MTHFS: variants seen among roughly 807,000 people sequenced by gnomAD.
MTHFS encodes methenyltetrahydrofolate synthetase, also known as 5-formyltetrahydrofolate cyclo-ligase.
In MTHFS, 7 loss-of-function variants were observed where a neutral mutation model predicts 12.7. That is an observed-to-expected ratio of 0.55 (90% CI 0.31 to 1.03). The LOEUF is 1.03. Ranked by LOEUF, MTHFS falls within the 50% of genes least tolerant of loss-of-function variation. MTHFS has a pLI of 0.05. For missense variants in MTHFS, 252 were observed against 258.1 expected (o/e 0.98, Z 0.16); for synonymous variants, 100 against 97.1 (o/e 1.03, Z -0.18).
chr15:79,871,535 AT>A (rs79276602), intron 2 of MTHFS, among the ~76,000 whole-genome samples: 2,583 of 143,120 alleles, frequency 0.018, 16 homozygotes, highest in Non-Finnish European at 0.027. Flanking sequence ...AGACAAAGGG[AT>A]TTTTTTTTTT....
chr15:79,858,031 A>AAAAC (rs1555411759), intron 2 of MTHFS, among the ~76,000 whole-genome samples: 2 of 151,264 alleles, frequency 1.3e-5, no homozygotes, highest in African/African-American at 2.4e-5. Flanking sequence ...AAAAAAAAAA[A>AAAAC]AAAACATAAT....
In MTHFS at chr15:79,889,293, T is replaced by A; in HGVS notation, c.179A>T (p.Asp60Val). 6.2e-7 allele frequency: 1 copy of A among 1,614,188 alleles called. No individual in the cohort carries two copies. The highest frequency in any genetic ancestry group is 8.5e-7 in the Non-Finnish European group (1 of 1,180,042). ...GATGATCTCTTCTGTCTCAATTTCA[T>A]CTTGCATGCTCAGAAAGATGGAAAT... is the stretch of plus-strand genomic sequence containing the variant. The part of the protein sequence containing the change: ...KRISIFLSMQ[D>V]EIETEEIIKD... Residue 60 changes from aspartate to valine, a missense_variant, in exon 2 of 3, where the codon GAT becomes GTT. By Grantham distance (152) the Asp-to-Val change is radical. Coordinates refer to ENST00000258874, the MANE Select transcript of MTHFS (RefSeq NM_006441.4).
chr15:79,847,529 A>C (rs966085749), intron 2 of MTHFS, among the ~76,000 whole-genome samples: 1 of 152,100 alleles, frequency 6.6e-6, no homozygotes, highest in African/African-American at 2.4e-5. Flanking sequence ...CTAAAAATAC[A>C]AAATATTAGC....
At chr15:79,884,973 T>C (rs1312553993) in intron 2 of MTHFS, among the ~76,000 whole-genome samples, 3 of 152,226 alleles carry the variant, frequency 2.0e-5, no homozygotes, top group Non-Finnish European at 4.4e-5. Context: ...ACACATCTTT[T>C]CTGAATAAAG....
chr15:79,848,410 C>T (rs1384968653), intron 2 of MTHFS, among the ~76,000 whole-genome samples: 1 of 152,194 alleles, frequency 6.6e-6, no homozygotes, highest in African/African-American at 2.4e-5. Flanking sequence ...TGAAAAAGTT[C>T]TAGAGATCTG....
At chr15:79,854,848 T>A (rs1428066368) in intron 2 of MTHFS, among the ~76,000 whole-genome samples, 2 of 152,186 alleles carry the variant, frequency 1.3e-5, no homozygotes, top group East Asian at 3.8e-4. Flanking sequence ...TTAATCAACA[T>A]CATCATCACC....
chr15:79,896,881 C>A lies in MTHFS; in HGVS notation c.108G>T (p.Leu36=). ...AEERLRQSRV[L]SQKVIAHSEY... ...ACGGGCGGCCTCGCACCTTCTGGCT[C>A]AGTACGCGGGACTGGCGTAGCCGCT... Residue 36 remains leucine, a synonymous_variant, in exon 1 of 3, where the codon CTG becomes CTT. Coordinates refer to ENST00000258874, the MANE Select transcript of MTHFS (RefSeq NM_006441.4). The A allele has an allele frequency of 6.5e-7, 1 of 1,543,156 alleles. No homozygotes were observed.
chr15:79,879,640 T>C (rs1358660898), intron 2 of MTHFS, among the ~76,000 whole-genome samples: 1 of 152,184 alleles, frequency 6.6e-6, no homozygotes, highest in Non-Finnish European at 1.5e-5. Flanking sequence ...GTAAAATTAA[T>C]AGTTGAAGAA....
At chr15:79,884,451 A>C (rs1013985613) in intron 2 of MTHFS, among the ~76,000 whole-genome samples, 4 of 152,240 alleles carry the variant, frequency 2.6e-5, no homozygotes, top group African/African-American at 9.6e-5. Context: ...GAAGGCTTGA[A>C]TAGGGTAGAT....
intron 2 of MTHFS, among the ~76,000 whole-genome samples, chr15:79,882,662 G>A (rs902929416): frequency 2.0e-5 from 3 of 152,206 alleles, no homozygotes; most frequent in African/African-American, 7.2e-5. Flanking sequence ...ACACAGAGAA[G>A]CTGCAACTCC....
intron 2 of MTHFS, among the ~76,000 whole-genome samples, chr15:79,871,330 A>G (rs35549013): frequency 0.14 from 21,468 of 152,032 alleles, 1,721 homozygotes; most frequent in Non-Finnish European, 0.19. Context: ...AGGAAATGAC[A>G]AAAAAAATTG....
At chr15:79,882,125 G>A (rs1339800228) in intron 2 of MTHFS, among the ~76,000 whole-genome samples, 1 of 152,164 alleles carries the variant, frequency 6.6e-6, no homozygotes, top group East Asian at 1.9e-4. Context: ...TAGTGAGAAC[G>A]ATTTTTGTTA....
At chr15:79,859,799 CAGAG>C (rs1288341771) in intron 2 of MTHFS, among the ~76,000 whole-genome samples, 10 of 110,570 alleles carry the variant, frequency 9.0e-5, no homozygotes, top group Non-Finnish European at 1.3e-4. Flanking sequence ...GGCTGGAAGA[CAGAG>C]AGAGAATACA....
intron 2 of MTHFS, among the ~76,000 whole-genome samples, chr15:79,845,892 A>G (rs573974351): frequency 4.4e-4 from 67 of 152,286 alleles, no homozygotes; most frequent in Non-Finnish European, 1.6e-4. Context: ...AAGAGAGTCC[A>G]CTGTCAGGCA....
At chr15:79,847,310 T>C (rs2033636052) in intron 2 of MTHFS, among the ~76,000 whole-genome samples, 1 of 151,736 alleles carries the variant, frequency 6.6e-6, no homozygotes, top group African/African-American at 2.4e-5. Context: ...GGTACAGGCA[T>C]GGAGATTTGG....
chr15:79,852,900 G>A (rs1247902740), intron 2 of MTHFS, among the ~76,000 whole-genome samples: 1 of 152,176 alleles, frequency 6.6e-6, no homozygotes, highest in Non-Finnish European at 1.5e-5. Flanking sequence ...GGAAGCAGGA[G>A]GTGACAGGAA....
intron 2 of MTHFS, among the ~76,000 whole-genome samples, chr15:79,888,845 A>C (rs1297887190): frequency 6.6e-6 from 1 of 152,246 alleles, no homozygotes; most frequent in Non-Finnish European, 1.5e-5. Context: ...TTCAGGAAAA[A>C]TATATAATTC....
At chr15:79,893,473 C>T (rs1488303953) in intron 1 of MTHFS, among the ~76,000 whole-genome samples, 2 of 151,230 alleles carry the variant, frequency 1.3e-5, no homozygotes, top group Non-Finnish European at 1.5e-5. Flanking sequence ...CCGAGGCAGG[C>T]GGATCACGAG....
At chr15:79,885,166 A>G (rs555636824) in intron 2 of MTHFS, among the ~76,000 whole-genome samples, 17 of 152,304 alleles carry the variant, frequency 1.1e-4, no homozygotes, top group African/African-American at 4.1e-4. Context: ...AACCCTCCCA[A>G]AAGTACTGAT....
Sources: gnomAD v4.1 joint callset for allele counts (sites outside exome capture counted in the v4.1 genomes callset) on GRCh38, gnomAD v4.1.1 for gene constraint, MANE v1.5 for transcripts, NCBI Gene and HGNC (gene_info 2026-07-23, HGNC 2026-07-21) for gene names.